Variants in VAT1L observed in about 807,000 individuals in gnomAD.
VAT1L encodes putative NADPH-dependent quinone oxidoreductase VAT1L.
A neutral mutation model predicts 44.1 loss-of-function variants in VAT1L; 34 were observed. That is an observed-to-expected ratio of 0.77 (90% CI 0.59 to 1.03). The LOEUF (loss-of-function observed/expected upper bound fraction) is 1.03. Ranked by LOEUF, VAT1L falls within the 50% of genes least tolerant of loss-of-function variation. The probability of loss-of-function intolerance (pLI) is 0.00; values close to 1 mark genes in which losing one functional copy is unlikely to be tolerated. For missense variants in VAT1L, 615 were observed against 538.8 expected (o/e 1.14, Z -1.40); for synonymous variants, 253 against 202.2 (o/e 1.25, Z -2.13).
intron 8 of VAT1L, among the ~76,000 whole-genome samples, chr16:77,972,433 T>C (rs898213518): frequency 6.6e-6 from 1 of 152,112 alleles, no homozygotes; most frequent in Non-Finnish European, 1.5e-5. Flanking sequence ...TCCTCCCACC[T>C]CAGCCTCTTG....
intron 3 of VAT1L, among the ~76,000 whole-genome samples, chr16:77,846,055 G>A (rs2016755521): frequency 6.6e-6 from 1 of 152,256 alleles, no homozygotes; most frequent in Admixed American, 6.5e-5. Flanking sequence ...CATATCACAG[G>A]GTCTGGGATG....
At chr16:77,934,352 A>C (rs2017767630) in intron 7 of VAT1L, among the ~76,000 whole-genome samples, 1 of 152,078 alleles carries the variant, frequency 6.6e-6, no homozygotes, top group Non-Finnish European at 1.5e-5. Context: ...TGGACCTGTC[A>C]ATATATTACT....
At chr16:77,873,895 C>A (rs76967533) in intron 4 of VAT1L, among the ~76,000 whole-genome samples, 2 of 152,070 alleles carry the variant, frequency 1.3e-5, no homozygotes, top group Admixed American at 1.3e-4. Context: ...AGGCCAAATG[C>A]CTTGAGCTGT....
chr16:77,962,435 G>A (rs59050708), intron 7 of VAT1L, among the ~76,000 whole-genome samples: 18,956 of 152,078 alleles, frequency 0.12, 1,428 homozygotes, highest in East Asian at 0.31. Flanking sequence ...GATGCAAGCA[G>A]AGGAAGGCCA....
At chr16:77,851,816 A>C (rs2142433894) in intron 3 of VAT1L, among the ~76,000 whole-genome samples, 1 of 152,256 alleles carries the variant, frequency 6.6e-6, no homozygotes, top group African/African-American at 2.4e-5. Flanking sequence ...TCAGTGCCAT[A>C]GCTAGGCTGC....
intron 7 of VAT1L, among the ~76,000 whole-genome samples, chr16:77,964,093 C>T (rs772015791): frequency 4.0e-4 from 61 of 152,128 alleles, no homozygotes; most frequent in Non-Finnish European, 6.8e-4. Context: ...GAGAATCCCA[C>T]GTGGGATTCA....
Position 77,844,618 on chromosome 16 carries a change from G to A in VAT1L, c.580-18130G>A, listed in dbSNP as rs555993916. On this transcript the variant is annotated intron_variant, in intron 3 of 8. Transcript: ENST00000302536. ...GAAACGAGGTTTCCCCATGTTGGCC[G>A]AGCTGGTCTCAAACTCCTGACCTCA... 7.2e-4 allele frequency among the ~76,000 whole-genome samples: 109 copies of A among 151,870 alleles called. 1 individual carries two copies. The highest frequency in any genetic ancestry group is 1.7e-3 in the African/African-American group (72 of 41,414).
At chr16:77,962,738 A>AGG (rs770163888) in intron 7 of VAT1L, among the ~76,000 whole-genome samples, 9,581 of 138,368 alleles carry the variant, frequency 0.069, 334 homozygotes, top group South Asian at 0.11. Context: ...GAAAGAAGGA[A>AGG]AGAAGGAAGG....
chr16:77,855,265 G>A (rs1296819129), intron 3 of VAT1L, among the ~76,000 whole-genome samples: 2 of 151,844 alleles, frequency 1.3e-5, no homozygotes, highest in South Asian at 2.1e-4. Context: ...GCTCGAACCC[G>A]GGAAGCAGAG....
intron 3 of VAT1L, among the ~76,000 whole-genome samples, chr16:77,838,384 C>T (rs1008551951): frequency 1.3e-5 from 2 of 152,320 alleles, no homozygotes; most frequent in African/African-American, 2.4e-5. Flanking sequence ...TTCTCACTGA[C>T]ACCCACCAGG....
chr16:77,856,249 C>T (rs2016857775), intron 3 of VAT1L, among the ~76,000 whole-genome samples: 1 of 152,154 alleles, frequency 6.6e-6, no homozygotes, highest in Non-Finnish European at 1.5e-5. Context: ...TTCTGGAATA[C>T]AGTGAGAAAC....
rs547667276 is a variant in VAT1L, at chr16:77,978,440, C to A, written c.*745C>A. 6.6e-6 allele frequency: 1 copy of A among 152,174 alleles called. No homozygotes were observed. Among genetic ancestry groups the A allele is most frequent in the African/African-American group, 2.4e-5 (1 of 41,418 alleles). 9.4% of individuals were successfully genotyped at this position (152,174 alleles called of 1,614,324 possible). On this transcript the variant is annotated 3_prime_UTR_variant, in exon 9 of 9. Coordinates refer to ENST00000302536, the MANE Select transcript of VAT1L (RefSeq NM_020927.3). The stretch of plus-strand genomic sequence containing the variant: ...TCTCATGGGCAGGATTCTTCCTGCT[C>A]CATATCTGTTTCAATTTTAAGAAAG...
At chr16:77,824,372 TC>T (rs1160881803) in intron 2 of VAT1L, among the ~76,000 whole-genome samples, 2 of 152,298 alleles carry the variant, frequency 1.3e-5, no homozygotes, top group African/African-American at 4.8e-5. Context: ...TGTCAATGGT[TC>T]ATTAAATCAG....
intron 7 of VAT1L, among the ~76,000 whole-genome samples, chr16:77,919,061 G>C (rs899952557): frequency 1.3e-5 from 2 of 152,202 alleles, no homozygotes; most frequent in African/African-American, 4.8e-5. Context: ...ATAGGGGAGA[G>C]GAAGTGCATT....
chr16:77,967,135 A>G (rs1407453825), intron 7 of VAT1L, among the ~76,000 whole-genome samples: 1 of 152,080 alleles, frequency 6.6e-6, no homozygotes, highest in East Asian at 1.9e-4. Context: ...TGCTTTGCCA[A>G]GGTGTTATAT....
At chr16:77,898,055 G>A (rs1015338120) in intron 7 of VAT1L, among the ~76,000 whole-genome samples, 1 of 152,120 alleles carries the variant, frequency 6.6e-6, no homozygotes, top group Non-Finnish European at 1.5e-5. Flanking sequence ...TCTGTCTCAT[G>A]CATCTCTCTT....
chr16:77,928,077 C>G (rs1324981796), intron 7 of VAT1L, among the ~76,000 whole-genome samples: 1 of 152,016 alleles, frequency 6.6e-6, no homozygotes, highest in African/African-American at 2.4e-5. Flanking sequence ...GTCTACTGGG[C>G]TCAAGTGGGC....
chr16:77,920,541 T>C (rs1281609482), intron 7 of VAT1L, among the ~76,000 whole-genome samples: 1 of 152,238 alleles, frequency 6.6e-6, no homozygotes, highest in East Asian at 1.9e-4. Flanking sequence ...TGTGTTCATA[T>C]GTCAATATAT....
intron 7 of VAT1L, among the ~76,000 whole-genome samples, chr16:77,938,302 A>G (rs1210097612): frequency 6.6e-6 from 1 of 152,220 alleles, no homozygotes; most frequent in Non-Finnish European, 1.5e-5. Context: ...CCAACTATTT[A>G]GCTGTCTGTG....
Sources: gnomAD v4.1 joint callset for allele counts (sites outside exome capture counted in the v4.1 genomes callset) on GRCh38, gnomAD v4.1.1 for gene constraint, MANE v1.5 for transcripts, NCBI Gene and HGNC (gene_info 2026-07-23, HGNC 2026-07-21) for gene names.